C19orf67: variants seen among roughly 807,000 people sequenced by gnomAD.
The protein encoded by C19orf67 is chromosome 19 open reading frame 67.
C19orf67 carries 28 observed loss-of-function variants against 41.4 expected under a neutral mutation model. The ratio of observed to expected loss-of-function variants is 0.68; its 90% CI spans 0.50 to 0.93. C19orf67 has a LOEUF of 0.93. Among genes scored for constraint, C19orf67 ranks in the 40% least tolerant of loss-of-function variants. The pLI, the probability that C19orf67 is intolerant of heterozygous loss-of-function variation, is 0.00. For missense variants in C19orf67, 421 were observed against 467.0 expected (o/e 0.90, Z 0.91); for synonymous variants, 242 against 203.4 (o/e 1.19, Z -1.62).
At position 14,083,769 on chromosome 19, in the gene C19orf67, G is replaced by A. The variant is rs1976809394; in HGVS notation, c.444C>T (p.Pro148=). 2.1e-6 allele frequency: 3 copies of A among 1,431,688 alleles called. No homozygotes were observed. The highest frequency in any genetic ancestry group is 2.7e-6 in the Non-Finnish European group (3 of 1,094,430). The allele number at this position is 1,431,688 out of a possible 1,614,324, so 88.7% of individuals were successfully genotyped here. ...CCAGCTCCTGCAGGGGTCCATAGAT[G>A]GGGGGTATGCTTCTCGCGGCTGCCT... The part of the protein sequence containing the change: ...YLEAAARSIP[P]IYGPLQELVR... The change falls in exon 2 of 6, where the codon CCC becomes CCT. Residue 148 remains proline (P), a synonymous_variant. Transcript: ENST00000548523.
At chr19:14,082,760 C>T (rs532421364) in intron 4 of C19orf67, among the ~76,000 whole-genome samples, 157 bp from the exon 5 acceptor site, 1 of 152,100 alleles carries the variant, frequency 6.6e-6, no homozygotes, top group African/African-American at 2.4e-5. Flanking sequence ...TGCCAGCCTA[C>T]TTTTAAGATG....
At chr19:14,085,122 TAC>T (rs1976832325) in intron 1 of C19orf67, among the ~76,000 whole-genome samples, 169 bp downstream of exon 1, 2 of 152,334 alleles carry the variant, frequency 1.3e-5, no homozygotes, top group East Asian at 1.9e-4. Flanking sequence ...CCCGCAATTC[TAC>T]AGTCTTCCTC....
chr19:14,083,931 C>A, intron 1 of C19orf67, 54 bp from the exon 2 acceptor site: 1 of 1,280,662 alleles, frequency 7.8e-7, no homozygotes, highest in South Asian at 3.1e-5. Context: ...CTCCCCACCC[C>A]GCAGTTTTCC....
rs1323086534 is a variant in C19orf67 at position 14,085,514 on chromosome 19, C to G, written c.114G>C (p.Thr38=). 1.3e-6 allele frequency: 2 copies of G among 1,535,174 alleles called. No individual in the cohort carries two copies. The highest frequency in any genetic ancestry group is 2.7e-5 in the African/African-American group (2 of 73,034). Residue 38 remains threonine, a synonymous_variant, in exon 1 of 6, where the codon ACG becomes ACC. Coordinates refer to ENST00000548523, the MANE Select transcript of C19orf67 (RefSeq NM_001277378.2). ...ATGGGTTCCCAGGCCTGCCAGGGGG[C>G]GTCGACCTGGAGGGGTCTCCGCAGG... ...TPPCGDPSRS[T]PPGRPGNPSE...
intron 4 of C19orf67, 128 bp downstream of exon 4, chr19:14,083,109 G>T: frequency 2.6e-6 from 2 of 781,586 alleles, no homozygotes; most frequent in Non-Finnish European, 4.1e-6. Flanking sequence ...CCAAAGTGTT[G>T]GGATTACAGG....
Position 14,085,588 on chromosome 19 carries a change from C to T in C19orf67, c.40G>A (p.Asp14Asn). The T allele has an allele frequency of 6.5e-7, 1 of 1,535,196 alleles. No individual in the cohort carries two copies. The highest frequency in any genetic ancestry group is 8.7e-7 in the Non-Finnish European group (1 of 1,146,604). Residue 14 changes from aspartate (D) to asparagine (N), a missense_variant, in exon 1 of 6, where the codon GAC (aspartate) becomes AAC (asparagine). Asp to Asn is a conservative substitution (Grantham distance 23, BLOSUM62 1). Coordinates refer to ENST00000548523, the MANE Select transcript of C19orf67 (RefSeq NM_001277378.2). ...TCTGGAGGCGGTGTTTCTCCAGGGT[C>T]CAGGGGGAGCGACCCCTCGAACCAC... ...EQWFEGSLPL[D>N]PGETPPPDAL... is the part of the protein sequence containing the mutation.
In C19orf67 at chr19:14,083,316, A is replaced by G. The variant is rs746565269; in HGVS notation, c.688T>C (p.Tyr230His). Reference protein sequence around the residue: ...TAYTASRFPRYLYKKMRWHLE... With the variant: ...TAYTASRFPRHLYKKMRWHLE... ...TGCCAGCGCATCTTCTTATAGAGGT[A>G]GCGGGGGAAGCGGCTGGCAGTGTAG... The change falls in exon 4 of 6, where the codon TAC becomes CAC. Residue 230 changes from tyrosine (Y) to histidine (H), a missense_variant. By Grantham distance (83) the Tyr-to-His change is moderately conservative. Around this residue, in one of 3 missense-constraint regions of C19orf67, gnomAD observed 253 missense variants for 307.0 expected, o/e 0.82. Transcript: ENST00000548523. 17 of 1,535,926 alleles carry G rather than the reference A, an allele frequency of 1.1e-5. No individual in the cohort carries two copies. The highest frequency in any genetic ancestry group is 1.4e-5 in the Non-Finnish European group (16 of 1,146,900).
chr19:14,085,385 G>A lies in C19orf67; in HGVS notation c.243C>T (p.Arg81=), dbSNP rs1315004086. ...GGCTGAACAAAGTGTCCAGGGATAG[G>A]CGGGGAGGTGCTGGCCCAGGCCGGG... ...LVPRPGPAPP[R]LSLDTLFSPI... is the part of the protein sequence containing the mutation. The change falls in exon 1 of 6, where the codon CGC becomes CGT. Residue 81 remains arginine (R), a synonymous_variant. Coordinates refer to ENST00000548523, the MANE Select transcript of C19orf67 (RefSeq NM_001277378.2). 6.5e-7 allele frequency: 1 copy of A among 1,536,078 alleles called. No individual in the cohort carries two copies. Among genetic ancestry groups the A allele is most frequent in the Non-Finnish European group, 8.7e-7 (1 of 1,146,934 alleles).
intron 2 of C19orf67, 21 bp downstream of exon 2, chr19:14,083,712 G>T: frequency 6.8e-7 from 1 of 1,477,668 alleles, no homozygotes; most frequent in Non-Finnish European, 9.0e-7. Flanking sequence ...GGGGCGTGGG[G>T]TCTAAGAAAC....
Position 14,082,608 on chromosome 19 carries a change from G to A in C19orf67, c.768-5C>T. On this transcript the variant is annotated splice_polypyrimidine_tract_variant and splice_region_variant and intron_variant, in intron 4 of 5. Transcript: ENST00000548523. ...TCTCGATAGCACAGAAAGTAGCTAG[G>A]AGGGGAGGGAGCTGTAATTAGAAGT... 6.5e-7 allele frequency: 1 copy of A among 1,535,434 alleles called. No individual in the cohort carries two copies. The highest frequency in any genetic ancestry group is 8.7e-7 in the Non-Finnish European group (1 of 1,146,412).
In C19orf67 at chr19:14,082,016, G is replaced by C; in HGVS notation, c.903-8C>G. On this transcript the variant is annotated splice_region_variant and splice_polypyrimidine_tract_variant and intron_variant, in intron 5 of 5. Transcript: ENST00000548523. ...GGCTGCGGGCACAAAATCCTGGGGT[G>C]GGGGGGCCAGGGATAGACAGGCCTG... is the stretch of plus-strand genomic sequence containing the variant. 2 of 1,484,226 alleles carry C rather than the reference G, an allele frequency of 1.3e-6. No individual in the cohort carries two copies. The highest frequency in any genetic ancestry group is 1.8e-6 in the Non-Finnish European group (2 of 1,116,908). 91.9% of individuals were successfully genotyped at this position (1,484,226 alleles called of 1,614,324 possible).
At chr19:14,083,631 A>C in intron 2 of C19orf67, 26 bp from the exon 3 acceptor site, 1 of 1,533,848 alleles carries the variant, frequency 6.5e-7, no homozygotes, top group Non-Finnish European at 8.7e-7. Flanking sequence ...GGGTACAGTG[A>C]GATCAGCTGG....
Sources: allele counts gnomAD v4.1 joint callset (sites outside exome capture counted in the v4.1 genomes callset), GRCh38; gene constraint gnomAD v4.1.1; regional missense constraint gnomAD v4.1.1; transcripts MANE v1.5; gene names NCBI Gene and HGNC (gene_info 2026-07-23, HGNC 2026-07-21).